The following ABCA13 variants were observed in gnomAD, a reference collection of about 807,000 sequenced individuals.
ABCA13 encodes ATP binding cassette subfamily A member 13.
Under a neutral mutation model 478.7 loss-of-function variants are expected in ABCA13, and 476 were observed. That is an observed-to-expected ratio of 0.99 (90% CI 0.92 to 1.07). The LOEUF is 1.07. Ranked by LOEUF, ABCA13 falls within the 50% of genes least tolerant of loss-of-function variation. The probability of loss-of-function intolerance (pLI) is 0.00; values close to 1 mark genes in which losing one functional copy is unlikely to be tolerated. For synonymous variants in ABCA13, 2,252 were observed against 2,158.9 expected (o/e 1.04, Z -1.20); for missense variants, 6,060 against 5,910.6 (o/e 1.03, Z -0.83).
chr7:48,467,764 ATG>A (rs1585453654), intron 44 of ABCA13, among the ~76,000 whole-genome samples: 1 of 152,232 alleles, frequency 6.6e-6, no homozygotes, highest in East Asian at 1.9e-4. Flanking sequence ...CCAGAAGTGT[ATG>A]TTTTTAAGTA....
At chr7:48,576,314 A>G (rs574374384) in intron 55 of ABCA13, among the ~76,000 whole-genome samples, 2 of 152,280 alleles carry the variant, frequency 1.3e-5, no homozygotes, top group African/African-American at 4.8e-5. Context: ...ATCCGCTATA[A>G]TCAAAAAGTG....
At position 48,586,235 on chromosome 7, in the gene ABCA13, C is replaced by T. The variant is rs537893985; in HGVS notation, c.14506-919C>T. 5.9e-5 allele frequency among the ~76,000 whole-genome samples: 9 copies of T among 152,194 alleles called. No homozygotes were observed. The South Asian group carries it at 1.9e-3, about 32-fold the overall frequency. The stretch of plus-strand genomic sequence containing the variant: ...TGCTGCCACCATCCTTGGGTCTTGG[C>T]AAAGTGGTTTTCAGCAGTTGCAAAT... On this transcript the variant is annotated intron_variant, in intron 56 of 61. Coordinates refer to ENST00000435803, the MANE Select transcript of ABCA13 (RefSeq NM_152701.5).
chr7:48,455,294 GT>G lies in ABCA13; in HGVS notation c.12815+13del. On this transcript the variant is annotated intron_variant, in intron 43 of 61. Transcript: ENST00000435803. Reference sequence around the variant, plus strand: ...CGAGACCTACTTTTTCAGGTAAGTTGTTTTTGTTCCTTTGATTTCGAAATTA... The same window carrying G: ...CGAGACCTACTTTTTCAGGTAAGTTGTTTTGTTCCTTTGATTTCGAAATTA... 6.3e-7 allele frequency: 1 copy of G among 1,590,240 alleles called. No individual in the cohort carries two copies. Among genetic ancestry groups the G allele is most frequent in the Non-Finnish European group, 8.6e-7 (1 of 1,165,174 alleles).
Position 48,275,329 on chromosome 7 carries a change from G to T in ABCA13, c.5663G>T (p.Cys1888Phe), listed in dbSNP as rs1699895168. Residue 1888 changes from cysteine (C) to phenylalanine (F), a missense_variant, in exon 17 of 62, where the codon TGC becomes TTC. Transcript: ENST00000435803. ...SRMEITRKVV[C>F]IIHELVDWNS... ...ATGGAAATAACTAGGAAAGTGGTCT[G>T]CATAATTCATGAATTAGTGGACTGG... 1 of 1,613,926 alleles carries T rather than the reference G, an allele frequency of 6.2e-7. No individual in the cohort carries two copies. Among genetic ancestry groups the T allele is most frequent in the African/African-American group, 1.3e-5 (1 of 75,048 alleles).
At chr7:48,626,801 G>A (rs1793709327) in intron 59 of ABCA13, 1 of 985,602 alleles carries the variant, frequency 1.0e-6, no homozygotes, top group Non-Finnish European at 1.2e-6. Context: ...TGGGCTGTGA[G>A]GGTGAGGAGG....
chr7:48,196,925 T>G (rs1798012406), intron 2 of ABCA13, among the ~76,000 whole-genome samples: 2 of 152,186 alleles, frequency 1.3e-5, no homozygotes, highest in South Asian at 4.1e-4. Context: ...AAAGGTGATA[T>G]GGATTTTACA....
intron 57 of ABCA13, among the ~76,000 whole-genome samples, chr7:48,592,071 A>G (rs1006144024): frequency 2.6e-5 from 4 of 151,872 alleles, no homozygotes; most frequent in Non-Finnish European, 5.9e-5. Context: ...ACTGTTGAAT[A>G]TGATGTTAGT....
intron 2 of ABCA13, among the ~76,000 whole-genome samples, chr7:48,197,828 T>C (rs2128910574): frequency 6.6e-6 from 1 of 152,318 alleles, no homozygotes; most frequent in Non-Finnish European, 1.5e-5. Flanking sequence ...TTGAAGTTTT[T>C]TTGCCAAAAC....
At position 48,192,969 on chromosome 7, in the gene ABCA13, T is replaced by G; in HGVS notation, c.80T>G (p.Leu27Arg). The G allele has an allele frequency of 2.6e-6, 4 of 1,526,194 alleles. No individual in the cohort carries two copies. The highest frequency in any genetic ancestry group is 2.6e-6 in the Non-Finnish European group (3 of 1,143,818). 94.5% of individuals were successfully genotyped at this position (1,526,194 alleles called of 1,614,324 possible). A position where few individuals can be genotyped will look rare whatever the true frequency, so the allele number is the denominator to read the frequency against. Residue 27 changes from leucine to arginine, a missense_variant, in exon 2 of 62, where the codon CTT becomes CGT. This residue lies in a region of ABCA13 where 4,423 missense variants were observed against 4,309.1 expected (regional missense o/e 1.03). Transcript: ENST00000435803. Reference protein sequence around the residue: ...LCRLRNPVLFLAEFFWPCILF... With the variant: ...LCRLRNPVLFRAEFFWPCILF... The stretch of plus-strand genomic sequence containing the variant: ...TTTTTAATTTTCTAGGTCCTTTTCC[T>G]TGCTGAATTCTTCTGGCCTTGTATC...
intron 37 of ABCA13, among the ~76,000 whole-genome samples, chr7:48,391,615 T>C (rs1401880843): frequency 6.6e-6 from 1 of 152,238 alleles, no homozygotes; most frequent in Non-Finnish European, 1.5e-5. Context: ...AGGTTAGATG[T>C]AAATAGATTT....
At chr7:48,429,268 G>T (rs1821825803) in intron 42 of ABCA13, among the ~76,000 whole-genome samples, 1 of 152,026 alleles carries the variant, frequency 6.6e-6, no homozygotes, top group Non-Finnish European at 1.5e-5. Flanking sequence ...CACAATTTTT[G>T]TGGATATGTT....
chr7:48,472,433 A>G (rs1228419842), intron 45 of ABCA13, among the ~76,000 whole-genome samples: 1 of 152,150 alleles, frequency 6.6e-6, no homozygotes, highest in African/African-American at 2.4e-5. Flanking sequence ...GCTATGTGGG[A>G]CACACTTCCA....
chr7:48,317,172 A>C lies in ABCA13; in HGVS notation c.9875A>C (p.Lys3292Thr), dbSNP rs750360443. 7.4e-6 allele frequency: 12 copies of C among 1,611,914 alleles called. No individual in the cohort carries two copies. In the African/African-American group the frequency reaches 1.2e-4, roughly 16 times the overall value. Residue 3292 changes from lysine (K) to threonine (T), a missense_variant, in exon 27 of 62, where the codon AAG (lysine) becomes ACG (threonine). Physicochemically the swap from Lys to Thr is moderately conservative, Grantham distance 78 (BLOSUM62 -1). Around this residue, in one of 3 missense-constraint regions of ABCA13, gnomAD observed 4,423 missense variants for 4,309.1 expected, o/e 1.03. Coordinates refer to ENST00000435803, the MANE Select transcript of ABCA13 (RefSeq NM_152701.5). ...ATTGCAACAGCACCGTTTTGCTTGA[A>C]GCTTTATCAGGAAATTCTACAATTG... Reference protein sequence around the residue: ...IPEDSTPFCLKLYQEILQLPN... With the variant: ...IPEDSTPFCLTLYQEILQLPN...
Position 48,249,224 on chromosome 7 carries a change from A to G in ABCA13, c.1878A>G (p.Thr626=). 2 of 1,611,122 alleles carry G rather than the reference A, an allele frequency of 1.2e-6. No homozygotes were observed. The highest frequency in any genetic ancestry group is 2.2e-5 in the South Asian group (2 of 90,510). The change falls in exon 15 of 62, where the codon ACA becomes ACG. Residue 626 remains threonine, a synonymous_variant. Transcript: ENST00000435803. ...TTTTTGATTGCAGGATATTTCATAC[A>G]CTTGAAAAAACACAATTTTTCCTGG... is the stretch of plus-strand genomic sequence containing the variant. ...HQLVSTVIFH[T]LEKTQFFLEQ... is the part of the protein sequence containing the mutation.
At chr7:48,329,498 A>C (rs528234142) in intron 27 of ABCA13, among the ~76,000 whole-genome samples, 18 of 152,254 alleles carry the variant, frequency 1.2e-4, no homozygotes, top group African/African-American at 4.3e-4. Context: ...TGGGAAGGTC[A>C]GGGCACAAGT....
At chr7:48,482,039 CATT>C (rs1340856797) in intron 46 of ABCA13, among the ~76,000 whole-genome samples, 1 of 151,914 alleles carries the variant, frequency 6.6e-6, no homozygotes, top group South Asian at 2.1e-4. Context: ...TAATAGTTAA[CATT>C]ATATTTTTTT....
In ABCA13 at chr7:48,279,687, G is replaced by A. The variant is rs200650835; in HGVS notation, c.8493G>A (p.Leu2831=). ...SRIALWRKGL[L]FNNSEWITST... Reference sequence around the variant, plus strand: ...TAGCTCTCTGGAGGAAAGGACTTCTGTTTAACAACTCTGAATGGATAACTT... The same window carrying A: ...TAGCTCTCTGGAGGAAAGGACTTCTATTTAACAACTCTGAATGGATAACTT... Residue 2831 remains leucine, a synonymous_variant, in exon 18 of 62, where the codon CTG becomes CTA. Transcript: ENST00000435803. 1.2e-6 allele frequency: 2 copies of A among 1,613,530 alleles called. No individual in the cohort carries two copies. Among genetic ancestry groups the A allele is most frequent in the African/African-American group, 2.7e-5 (2 of 75,016 alleles).
intron 35 of ABCA13, among the ~76,000 whole-genome samples, chr7:48,383,032 GA>G (rs1160495394): frequency 6.6e-6 from 1 of 152,018 alleles, no homozygotes; most frequent in Non-Finnish European, 1.5e-5. Flanking sequence ...CTGACAGCTG[GA>G]ACTGTGAGCC....
chr7:48,204,295 C>T (rs188725898), intron 3 of ABCA13, among the ~76,000 whole-genome samples: 35 of 151,828 alleles, frequency 2.3e-4, no homozygotes, highest in Non-Finnish European at 4.1e-4. Context: ...CTGCAACCTC[C>T]GCCTCCCGGG....
Sources: gnomAD v4.1 joint callset for allele counts (sites outside exome capture counted in the v4.1 genomes callset) on GRCh38, gnomAD v4.1.1 for gene constraint, gnomAD v4.1.1 regional missense constraint, MANE v1.5 for transcripts, NCBI Gene and HGNC (gene_info 2026-07-23, HGNC 2026-07-21) for gene names.